APBB2: variants seen among roughly 807,000 people sequenced by gnomAD.
APBB2 encodes amyloid beta precursor protein binding family B member 2, also known as Fe65-like 1.
In APBB2, 38 loss-of-function variants were observed where a neutral mutation model predicts 82.5. The ratio of observed to expected loss-of-function variants is 0.46; its 90% CI spans 0.36 to 0.60. The LOEUF (loss-of-function observed/expected upper bound fraction) is 0.60, where lower values mean the gene tolerates loss of function less well. Ranked by LOEUF, APBB2 falls within the 20% of genes least tolerant of loss-of-function variation. The probability of loss-of-function intolerance (pLI) is 0.00; values close to 1 mark genes in which losing one functional copy is unlikely to be tolerated. For synonymous variants in APBB2, 341 were observed against 368.2 expected (o/e 0.93, Z 0.85); for missense variants, 772 against 972.3 (o/e 0.79, Z 2.74).
intron 11 of APBB2, chr4:40,893,050 GCT>G: frequency 2.3e-6 from 1 of 434,092 alleles, no homozygotes; most frequent in Non-Finnish European, 4.0e-6. Context: ...ACTGAGAAAC[GCT>G]CTCTCTCCAG....
chr4:40,916,776 C>T (rs1034707648), intron 10 of APBB2, among the ~76,000 whole-genome samples: 4 of 152,146 alleles, frequency 2.6e-5, no homozygotes, highest in African/African-American at 4.8e-5. Context: ...GAGGATGTTG[C>T]GAGGCAATGG....
intron 5 of APBB2, among the ~76,000 whole-genome samples, chr4:41,024,825 G>T (rs901474579): frequency 6.6e-6 from 1 of 152,226 alleles, no homozygotes; most frequent in Non-Finnish European, 1.5e-5. Context: ...AAGGTTAAGA[G>T]ATAAGCCTGT....
chr4:40,971,256 TA>T (rs1795860241), intron 6 of APBB2, among the ~76,000 whole-genome samples: 1 of 152,210 alleles, frequency 6.6e-6, no homozygotes, highest in Admixed American at 6.5e-5. Context: ...AATTTAAACA[TA>T]CTGAGAAACA....
At chr4:41,031,522 C>T (rs62412159) in intron 5 of APBB2, among the ~76,000 whole-genome samples, 6,981 of 152,244 alleles carry the variant, frequency 0.046, 342 homozygotes, top group African/African-American at 0.12. Flanking sequence ...GATAACTGTT[C>T]CAGTATCTCT....
chr4:41,196,850 C>T, intron 1 of APBB2, among the ~76,000 whole-genome samples: 3 of 152,152 alleles, frequency 2.0e-5, no homozygotes, highest in African/African-American at 7.2e-5. Context: ...CATTTGCCAT[C>T]ATAGCTCTGA....
At chr4:40,979,732 C>T (rs1798027633) in intron 6 of APBB2, among the ~76,000 whole-genome samples, 1 of 152,186 alleles carries the variant, frequency 6.6e-6, no homozygotes, top group Admixed American at 6.5e-5. Flanking sequence ...ACAGGGACCT[C>T]ATCACACAAC....
chr4:40,916,261 C>A (rs145351812), intron 10 of APBB2, among the ~76,000 whole-genome samples: 19 of 152,248 alleles, frequency 1.2e-4, no homozygotes, highest in African/African-American at 4.6e-4. Context: ...GAAACCTAAC[C>A]CCAGAGCTGA....
At chr4:41,024,327 G>A (rs1244880340) in intron 5 of APBB2, among the ~76,000 whole-genome samples, 2 of 152,186 alleles carry the variant, frequency 1.3e-5, no homozygotes, top group African/African-American at 4.8e-5. Flanking sequence ...TGACAAGTGG[G>A]ATCTAATTAA....
Position 41,032,712 on chromosome 4 carries a change from T to C in APBB2, c.19+524A>G, listed in dbSNP as rs117541720. ...CATTACGATATAAGTATTCATGCAA[T>C]TATTACACAAATATGGTTAAGTCCA... On this transcript the variant is annotated intron_variant, in intron 5 of 17. Transcript: ENST00000508593. Among the ~76,000 whole-genome samples, 307 of 152,164 alleles carry C rather than the reference T, an allele frequency of 2.0e-3. 2 individuals carry two copies. In the East Asian group the frequency reaches 0.033, roughly 17 times the overall value.
chr4:40,934,971 G>A, intron 8 of APBB2, 106 bp downstream of exon 8: 3 of 977,624 alleles, frequency 3.1e-6, no homozygotes, highest in Non-Finnish European at 4.5e-6. Context: ...CCCGATCACT[G>A]TGTCCCTGCA....
At chr4:41,056,615 C>T (rs1175528836) in intron 4 of APBB2, among the ~76,000 whole-genome samples, 2 of 152,222 alleles carry the variant, frequency 1.3e-5, no homozygotes, top group Non-Finnish European at 2.9e-5. Context: ...ATATGTAACT[C>T]TTCTCAATAC....
chr4:41,117,450 G>A (rs898317658), intron 2 of APBB2, among the ~76,000 whole-genome samples: 7 of 151,892 alleles, frequency 4.6e-5, no homozygotes, highest in Non-Finnish European at 7.4e-5. Context: ...CCACCACCAC[G>A]CCCAGCTAAT....
At chr4:41,119,546 G>A (rs111409223) in intron 2 of APBB2, among the ~76,000 whole-genome samples, 1 of 147,298 alleles carries the variant, frequency 6.8e-6, no homozygotes, top group Non-Finnish European at 1.5e-5. Flanking sequence ...AAAAAAAGTT[G>A]GCAATTTTTT....
chr4:41,050,878 G>A (rs543314600), intron 4 of APBB2, among the ~76,000 whole-genome samples: 3 of 152,242 alleles, frequency 2.0e-5, no homozygotes, highest in African/African-American at 7.2e-5. Context: ...CCCTTCAGCT[G>A]GGACCTGCAT....
intron 12 of APBB2, among the ~76,000 whole-genome samples, chr4:40,875,219 C>G (rs942342839): frequency 6.6e-6 from 1 of 152,142 alleles, no homozygotes; most frequent in Admixed American, 6.5e-5. Context: ...AGGACACAGA[C>G]AGAGATGGGA....
At chr4:40,873,865 C>T (rs967900337) in intron 12 of APBB2, among the ~76,000 whole-genome samples, 4 of 152,066 alleles carry the variant, frequency 2.6e-5, no homozygotes, top group Non-Finnish European at 5.9e-5. Flanking sequence ...ATAGCATTTC[C>T]CAATTATTGA....
intron 12 of APBB2, among the ~76,000 whole-genome samples, chr4:40,838,840 G>A (rs1356203300): frequency 2.0e-5 from 3 of 152,136 alleles, no homozygotes; most frequent in Admixed American, 6.5e-5. Flanking sequence ...TGCAACTCTC[G>A]TAGTGTAAGT....
intron 2 of APBB2, among the ~76,000 whole-genome samples, chr4:41,112,411 A>ATGCAGG (rs1171303664): frequency 6.6e-6 from 1 of 152,138 alleles, no homozygotes; most frequent in Non-Finnish European, 1.5e-5. Flanking sequence ...AAGGCACCCA[A>ATGCAGG]CCATCCCATG....
intron 1 of APBB2, chr4:41,193,722 A>C: frequency 4.8e-6 from 1 of 206,636 alleles, no homozygotes; most frequent in Non-Finnish European, 8.5e-6. Flanking sequence ...GGATAGCCCT[A>C]GGCAGGGTAG....
Sources: gnomAD v4.1 joint callset for allele counts (sites outside exome capture counted in the v4.1 genomes callset) on GRCh38, gnomAD v4.1.1 for gene constraint, MANE v1.5 for transcripts, NCBI Gene and HGNC (gene_info 2026-07-23, HGNC 2026-07-21) for gene names.